The following SMCO1 variants were observed in gnomAD, a reference collection of about 807,000 sequenced individuals.
The protein encoded by SMCO1 is single-pass membrane protein with coiled-coil domains 1, also known as single-pass membrane and coiled-coil domain-containing protein 1.
SMCO1 carries 9 observed loss-of-function variants against 7.5 expected under a neutral mutation model. That is an observed-to-expected ratio of 1.20 (90% CI 0.72 to 2.09). SMCO1 has a LOEUF of 2.09. Ranked by LOEUF, SMCO1 falls within the 30% of genes most tolerant of loss-of-function variation. SMCO1 has a pLI of 0.00. For missense variants in SMCO1, 219 were observed against 253.1 expected, an observed-to-expected ratio of 0.87 and a Z score of 0.91; for synonymous variants, 90 against 93.8, an observed-to-expected ratio of 0.96 and a Z score of 0.23.
At chr3:196,516,586 A>G (rs1201863162), upstream of SMCO1, among the ~76,000 whole-genome samples, 1 of 152,210 alleles carries the variant, frequency 6.6e-6, no homozygotes, top group East Asian at 1.9e-4. Flanking sequence ...CACTTATTCA[A>G]TATTTACTGA....
At chr3:196,516,847 C>T (rs1004516545), upstream of SMCO1, among the ~76,000 whole-genome samples, 2 of 151,930 alleles carry the variant, frequency 1.3e-5, no homozygotes, top group African/African-American at 4.8e-5. Flanking sequence ...ACCTGTAATC[C>T]CAACATTTTG....
chr3:196,510,343 T>C (rs1733185977), intron 1 of SMCO1, among the ~76,000 whole-genome samples: 1 of 152,176 alleles, frequency 6.6e-6, no homozygotes, highest in Non-Finnish European at 1.5e-5. Flanking sequence ...AGTAAAGCAG[T>C]CATTTTTACT....
upstream of SMCO1, among the ~76,000 whole-genome samples, chr3:196,516,015 A>ATATAAT (rs1733378525): frequency 1.0e-5 from 1 of 95,546 alleles, no homozygotes; most frequent in African/African-American, 1.0e-4. Flanking sequence ...ATATATATAT[A>ATATAAT]TATATATATA....
chr3:196,518,646 G>A (rs1215172542), upstream of SMCO1, among the ~76,000 whole-genome samples: 2 of 151,458 alleles, frequency 1.3e-5, 1 homozygote, highest in Non-Finnish European at 3.0e-5. Context: ...ACGTAGCCAT[G>A]TCATTTTTGG....
chr3:196,507,757 T>C lies in SMCO1; in HGVS notation c.*130A>G. On this transcript the variant is annotated 3_prime_UTR_variant, in exon 3 of 3. Coordinates refer to ENST00000397537, the MANE Select transcript of SMCO1 (RefSeq NM_001077657.3). Reference sequence around the variant, plus strand: ...GCAAAGAAAGTATCTATTGTATCAATTTGTCATAATTTATTTAACATCCTC... The same window carrying C: ...GCAAAGAAAGTATCTATTGTATCAACTTGTCATAATTTATTTAACATCCTC... 1.6e-6 allele frequency: 1 copy of C among 623,072 alleles called. No homozygotes were observed. Among genetic ancestry groups the C allele is most frequent in the Non-Finnish European group, 2.8e-6 (1 of 354,760 alleles). The allele number at this position is 623,072 out of a possible 1,614,324, so 38.6% of individuals were successfully genotyped here.
chr3:196,507,720 T>C lies in SMCO1; in HGVS notation c.*167A>G, dbSNP rs1733085499. The C allele has an allele frequency of 1.7e-6, 1 of 579,510 alleles. No homozygotes were observed. The highest frequency in any genetic ancestry group is 3.1e-6 in the Non-Finnish European group (1 of 326,748). 35.9% of individuals were successfully genotyped at this position (579,510 alleles called of 1,614,324 possible). A position where few individuals can be genotyped will look rare whatever the true frequency, so the allele number is the denominator to read the frequency against. The stretch of plus-strand genomic sequence containing the variant: ...CATTACACAAAGAGCTTCTTCATTC[T>C]TTTATATGGCTGCAAAGAAAGTATC... On this transcript the variant is annotated 3_prime_UTR_variant, in exon 3 of 3. Transcript: ENST00000397537.
chr3:196,509,185 G>A (rs1252855841), intron 2 of SMCO1, among the ~76,000 whole-genome samples: 3 of 148,514 alleles, frequency 2.0e-5, no homozygotes, highest in Non-Finnish European at 4.5e-5. Flanking sequence ...GAGTAGTTGG[G>A]ACTACAGGTG....
Position 196,509,380 on chromosome 3 carries a change from A to T in SMCO1, c.200+140T>A, listed in dbSNP as rs186166197. The T allele has an allele frequency of 3.6e-4, 293 of 821,760 alleles. 1 individual carries two copies. In the East Asian group the frequency reaches 6.2e-3, roughly 18 times the overall value. 50.9% of individuals were successfully genotyped at this position (821,760 alleles called of 1,614,324 possible). ...TGCCCGGCCAAATTAATCTTTTTTT[A>T]AAAAAATAAATGAACCTAAGAAAAT... On this transcript the variant is annotated intron_variant, in intron 2 of 2. Coordinates refer to ENST00000397537, the MANE Select transcript of SMCO1 (RefSeq NM_001077657.3).
intron 2 of SMCO1, among the ~76,000 whole-genome samples, chr3:196,508,561 C>T (rs1411413737): frequency 2.6e-5 from 4 of 151,764 alleles, no homozygotes; most frequent in African/African-American, 9.7e-5. Context: ...CTCCTGAGCT[C>T]AAGTGATCCT....
intron 2 of SMCO1, among the ~76,000 whole-genome samples, chr3:196,509,311 G>A (rs556182248): frequency 5.8e-4 from 87 of 149,182 alleles, no homozygotes; most frequent in African/African-American, 9.9e-4. Flanking sequence ...TGATCCGCCC[G>A]CCTCGGCCTC....
chr3:196,510,596 T>C (rs924285263), intron 1 of SMCO1, among the ~76,000 whole-genome samples: 6 of 152,158 alleles, frequency 3.9e-5, no homozygotes, highest in African/African-American at 1.4e-4. Context: ...CCCTATTTTC[T>C]ACCCGATTCT....
At chr3:196,517,280 T>A (rs901072429), upstream of SMCO1, among the ~76,000 whole-genome samples, 2 of 151,920 alleles carry the variant, frequency 1.3e-5, no homozygotes, top group African/African-American at 2.4e-5. Flanking sequence ...TTTGATCACA[T>A]GTGAGTTTAT....
upstream of SMCO1, among the ~76,000 whole-genome samples, chr3:196,515,676 C>CA (rs1733366477): frequency 6.6e-6 from 1 of 151,702 alleles, no homozygotes; most frequent in African/African-American, 2.4e-5. Flanking sequence ...GATATCAAAG[C>CA]AAAAAATCTA....
rs558725217 is a variant in SMCO1, at chr3:196,513,286, T to G, written c.50+1874A>C. On this transcript the variant is annotated intron_variant, in intron 1 of 2. Coordinates refer to ENST00000397537, the MANE Select transcript of SMCO1 (RefSeq NM_001077657.3). Reference sequence around the variant, plus strand: ...TCAAAGCTGCAGTGAGCTGTGATCATGCCACTGCACTCAGCTTGAGCAACA... The same window carrying G: ...TCAAAGCTGCAGTGAGCTGTGATCAGGCCACTGCACTCAGCTTGAGCAACA... Among the ~76,000 whole-genome samples, 429 of 150,954 alleles carry G rather than the reference T, an allele frequency of 2.8e-3. 2 individuals carry two copies. The highest frequency in any genetic ancestry group is 4.9e-3 in the Non-Finnish European group (334 of 67,862).
chr3:196,515,150 C>T lies in SMCO1; in HGVS notation c.50+10G>A. Reference sequence around the variant, plus strand: ...CCCATGCTTGCTCCCTCCCTATAGCCCTCAGCAACCTTTTCATTGCCTCCT... The same window carrying T: ...CCCATGCTTGCTCCCTCCCTATAGCTCTCAGCAACCTTTTCATTGCCTCCT... On this transcript the variant is annotated intron_variant, in intron 1 of 2. Transcript: ENST00000397537. The T allele has an allele frequency of 6.2e-7, 1 of 1,614,068 alleles. No homozygotes were observed. Among genetic ancestry groups the T allele is most frequent in the Non-Finnish European group, 8.5e-7 (1 of 1,179,930 alleles).
chr3:196,509,515 C>A lies in SMCO1; in HGVS notation c.200+5G>T. 1 of 1,605,774 alleles carries A rather than the reference C, an allele frequency of 6.2e-7. No individual in the cohort carries two copies. Among genetic ancestry groups the A allele is most frequent in the Non-Finnish European group, 8.5e-7 (1 of 1,174,410 alleles). ...AATCCCACTGATTTCTCAATTGATA[C>A]TCACTGGAGTGCCCGAACTGCTGTC... On this transcript the variant is annotated splice_donor_5th_base_variant and intron_variant, in intron 2 of 2. Transcript: ENST00000397537.
chr3:196,515,989 A>ATATATG (rs1733375261), upstream of SMCO1, among the ~76,000 whole-genome samples: 1 of 2,214 alleles, frequency 4.5e-4, no homozygotes, highest in Admixed American at 3.6e-3. Context: ...AGAGGATAGG[A>ATATATG]TATATATATA....
chr3:196,511,200 AT>A (rs1338137445), intron 1 of SMCO1, among the ~76,000 whole-genome samples: 1 of 135,108 alleles, frequency 7.4e-6, no homozygotes, highest in Non-Finnish European at 1.5e-5. Flanking sequence ...GGCCACCTAG[AT>A]TGTCTTTATG....
At chr3:196,512,027 G>C (rs1264960647) in intron 1 of SMCO1, among the ~76,000 whole-genome samples, 1 of 146,480 alleles carries the variant, frequency 6.8e-6, no homozygotes, top group Non-Finnish European at 1.5e-5. Context: ...GTCCTTATGA[G>C]GGAAACTTGC....
Sources: allele counts gnomAD v4.1 joint callset (sites outside exome capture counted in the v4.1 genomes callset), GRCh38; gene constraint gnomAD v4.1.1; transcripts MANE v1.5; gene names NCBI Gene and HGNC (gene_info 2026-07-23, HGNC 2026-07-21).